DPY19L2: variants seen among roughly 807,000 people sequenced by gnomAD.
The protein encoded by DPY19L2 is probable C-mannosyltransferase DPY19L2.
DPY19L2 carries 34 observed loss-of-function variants against 97.9 expected under a neutral mutation model. The ratio of observed to expected loss-of-function variants is 0.35; its 90% confidence interval spans 0.26 to 0.46. DPY19L2 has a LOEUF of 0.46. DPY19L2 is among the 20% of genes least tolerant of loss of function. The probability of loss-of-function intolerance (pLI) is 1.00; values close to 1 mark genes in which losing one functional copy is unlikely to be tolerated. For missense variants in DPY19L2, 623 were observed against 911.4 expected (o/e 0.68, Z 4.07); for synonymous variants, 230 against 307.9 (o/e 0.75, Z 2.65).
In DPY19L2 at chr12:63,592,320, C is replaced by T. The variant is rs369381480; in HGVS notation, c.1580+1767G>A. The stretch of plus-strand genomic sequence containing the variant: ...GTTCATATGGAACCAAAAAAGAGCC[C>T]GCATCACCAAGTCAATCCTAAGCCA... On this transcript the variant is annotated intron_variant, in intron 16 of 21. Transcript: ENST00000324472. Among the ~76,000 whole-genome samples the T allele has an allele frequency of 2.8e-4, 42 of 150,776 alleles. No individual in the cohort carries two copies. The East Asian group carries it at 3.3e-3, about 12-fold the overall frequency.
At chr12:63,634,223 T>A (rs1223034496) in intron 6 of DPY19L2, among the ~76,000 whole-genome samples, 2 of 152,034 alleles carry the variant, frequency 1.3e-5, no homozygotes, top group Admixed American at 1.3e-4. Context: ...TTAAAAATAA[T>A]CAAAGTAAGA....
At position 63,583,893 on chromosome 12, in the gene DPY19L2, A is replaced by C. The variant is rs188412904; in HGVS notation, c.1581-57T>G. 1.3e-4 allele frequency: 194 copies of C among 1,449,754 alleles called. No individual in the cohort carries two copies. In the African/African-American group the frequency reaches 2.3e-3, roughly 17 times the overall value. 89.8% of individuals were successfully genotyped at this position (1,449,754 alleles called of 1,614,324 possible). On this transcript the variant is annotated intron_variant, in intron 16 of 21. Transcript: ENST00000324472. ...TGAAGGTCTTTTATACTATGAATAC[A>C]TAAAAATAAGCTTCATTTGCTTGAT...
At chr12:63,638,882 G>C (rs941157328) in intron 6 of DPY19L2, among the ~76,000 whole-genome samples, 29 of 152,248 alleles carry the variant, frequency 1.9e-4, no homozygotes, top group African/African-American at 7.0e-4. Context: ...CCAAAAAAGA[G>C]CCCGCATTGC....
At chr12:63,634,744 A>G (rs1194305653) in intron 6 of DPY19L2, among the ~76,000 whole-genome samples, 1 of 152,094 alleles carries the variant, frequency 6.6e-6, no homozygotes, top group Non-Finnish European at 1.5e-5. Context: ...AGGGGCGTCC[A>G]CCATTACTGA....
chr12:63,570,239 T>A (rs555250174), intron 20 of DPY19L2, among the ~76,000 whole-genome samples: 2 of 152,220 alleles, frequency 1.3e-5, no homozygotes, highest in African/African-American at 4.8e-5. Context: ...AGAGTTCTCA[T>A]AATCGACTAG....
At chr12:63,664,135 G>A (rs1397931274) in intron 2 of DPY19L2, among the ~76,000 whole-genome samples, 2 of 151,922 alleles carry the variant, frequency 1.3e-5, no homozygotes, top group East Asian at 1.9e-4. Flanking sequence ...TGAGGAGTTC[G>A]AGACCAGCCT....
chr12:63,665,074 T>C (rs1896164927), intron 2 of DPY19L2, among the ~76,000 whole-genome samples: 1 of 152,182 alleles, frequency 6.6e-6, no homozygotes, highest in African/African-American at 2.4e-5. Flanking sequence ...GCTTGCACAC[T>C]GAAAGACTCA....
chr12:63,632,049 T>C (rs927507510), intron 6 of DPY19L2, among the ~76,000 whole-genome samples: 1 of 152,124 alleles, frequency 6.6e-6, no homozygotes, highest in African/African-American at 2.4e-5. Flanking sequence ...AAATTAGGTA[T>C]TGATGGGACA....
chr12:63,652,577 T>C (rs1201010914), intron 4 of DPY19L2, among the ~76,000 whole-genome samples: 3 of 152,150 alleles, frequency 2.0e-5, no homozygotes, highest in Non-Finnish European at 2.9e-5. Flanking sequence ...ATATACCCCA[T>C]GAATATTATG....
intron 12 of DPY19L2, among the ~76,000 whole-genome samples, chr12:63,602,846 C>A (rs1299975249): frequency 6.6e-6 from 1 of 152,040 alleles, no homozygotes; most frequent in Non-Finnish European, 1.5e-5. Context: ...AAATATGCAA[C>A]AATTGAGGAA....
In DPY19L2 at chr12:63,560,409, T is replaced by C. The variant is rs1876239198; in HGVS notation, c.*103A>G. ...AATCCATTTTTATCTTATTTTTAAG[T>C]GTCTGTTATTAAAGCTTGTGATTTT... On this transcript the variant is annotated 3_prime_UTR_variant, in exon 22 of 22. Transcript: ENST00000324472. The C allele has an allele frequency of 1.5e-6, 2 of 1,331,340 alleles. No individual in the cohort carries two copies. Among genetic ancestry groups the C allele is most frequent in the Non-Finnish European group, 1.0e-6 (1 of 999,600 alleles). The allele number at this position is 1,331,340 out of a possible 1,614,324, so 82.5% of individuals were successfully genotyped here. A position where few individuals can be genotyped will look rare whatever the true frequency, so the allele number is the denominator to read the frequency against.
At chr12:63,603,441 G>A (rs1885514949) in intron 12 of DPY19L2, among the ~76,000 whole-genome samples, 1 of 152,048 alleles carries the variant, frequency 6.6e-6, no homozygotes, top group African/African-American at 2.4e-5. Flanking sequence ...ATGTGCCATG[G>A]TGGTTTCCTG....
At chr12:63,591,971 G>GAAAAGAAAAGAAAAGAAAAC in intron 16 of DPY19L2, among the ~76,000 whole-genome samples, 1 of 99,330 alleles carries the variant, frequency 1.0e-5, no homozygotes, top group African/African-American at 4.1e-5. Context: ...GAAAAGAAAA[G>GAAAAGAAAAGAAAAGAAAAC]AAAAGAGGGG....
intron 6 of DPY19L2, among the ~76,000 whole-genome samples, chr12:63,635,380 T>C (rs1479216703): frequency 6.6e-6 from 1 of 152,078 alleles, no homozygotes; most frequent in Non-Finnish European, 1.5e-5. Flanking sequence ...GTGCCTCTTC[T>C]CCTCCAAAGG....
At chr12:63,651,813 A>G (rs563481685) in intron 4 of DPY19L2, 24 of 310,192 alleles carry the variant, frequency 7.7e-5, no homozygotes, top group South Asian at 7.4e-4. Context: ...CCTTGACCGC[A>G]TGAAGAAACT....
At chr12:63,568,608 G>A (rs12310391) in intron 21 of DPY19L2, among the ~76,000 whole-genome samples, 7,382 of 151,916 alleles carry the variant, frequency 0.049, 525 homozygotes, top group African/African-American at 0.17. Flanking sequence ...TGAAGTGACT[G>A]TAGAACCTGT....
intron 18 of DPY19L2, among the ~76,000 whole-genome samples, chr12:63,581,170 T>C (rs1880820954): frequency 6.6e-6 from 1 of 152,158 alleles, no homozygotes; most frequent in Non-Finnish European, 1.5e-5. Flanking sequence ...CTGCCTTTTG[T>C]GGACATGGTT....
At chr12:63,652,543 C>T (rs1472447717) in intron 4 of DPY19L2, among the ~76,000 whole-genome samples, 3 of 152,126 alleles carry the variant, frequency 2.0e-5, no homozygotes, top group African/African-American at 7.2e-5. Flanking sequence ...AATAGTGGAA[C>T]GGATAAAGAA....
chr12:63,589,837 CAT>C (rs1000519248), intron 16 of DPY19L2, among the ~76,000 whole-genome samples: 30 of 151,986 alleles, frequency 2.0e-4, no homozygotes, highest in African/African-American at 7.0e-4. Context: ...AAAGCAAAAA[CAT>C]AACACATAGC....
Sources: gnomAD v4.1 joint callset for allele counts (sites outside exome capture counted in the v4.1 genomes callset) on GRCh38, gnomAD v4.1.1 for gene constraint, MANE v1.5 for transcripts, NCBI Gene and HGNC (gene_info 2026-07-23, HGNC 2026-07-21) for gene names.